Variants in RBFOX3 observed in about 807,000 individuals in gnomAD.
RBFOX3 encodes RNA binding protein fox-1 homolog 3.
A neutral mutation model predicts 48.7 loss-of-function variants in RBFOX3; 17 were observed. The observed-to-expected ratio is 0.35, with a 90% CI of 0.24 to 0.52. The LOEUF (loss-of-function observed/expected upper bound fraction) is 0.52. Among genes scored for constraint, RBFOX3 ranks in the 20% least tolerant of loss-of-function variants. RBFOX3 has a pLI of 0.94. For synonymous variants in RBFOX3, 212 were observed against 209.5 expected (o/e 1.01, Z -0.10); for missense variants, 382 against 497.5 (o/e 0.77, Z 2.21).
chr17:79,574,364 A>G lies in RBFOX3; in HGVS notation c.-320+36462T>C, dbSNP rs898104803. 8.5e-4 allele frequency among the ~76,000 whole-genome samples: 130 copies of G among 152,342 alleles called. 4 individuals are homozygous for G. In the South Asian group the frequency reaches 0.019, roughly 22 times the overall value. On this transcript the variant is annotated intron_variant, in intron 1 of 14. Coordinates refer to ENST00000693108, the MANE Select transcript of RBFOX3 (RefSeq NM_001350451.2). ...AGTCCCAGCTGCTAAAACAGGATGC[A>G]GTAAAGAAGCCGGCCAAAACCCACC...
intron 1 of RBFOX3, among the ~76,000 whole-genome samples, chr17:79,484,249 C>T (rs2079185579): frequency 6.6e-6 from 1 of 152,142 alleles, no homozygotes; most frequent in Non-Finnish European, 1.5e-5. Flanking sequence ...GGACAGAGTA[C>T]CACCCCCATA....
intron 2 of RBFOX3, among the ~76,000 whole-genome samples, chr17:79,439,328 C>A (rs145291059): frequency 1.3e-5 from 2 of 152,166 alleles, no homozygotes; most frequent in African/African-American, 4.8e-5. Context: ...TAAGATAGAG[C>A]GAAATCGCTC....
Position 79,090,819 on chromosome 17 carries a change from T to C in RBFOX3, c.*64A>G. ...AACATCTTTTTTTGTTTTTTTTGTT[T>C]TGTGATTTTTTTTGTTTTTTTGTTT... is the stretch of plus-strand genomic sequence containing the variant. On this transcript the variant is annotated 3_prime_UTR_variant, in exon 15 of 15. Transcript: ENST00000693108. 6.7e-7 allele frequency: 1 copy of C among 1,488,924 alleles called. No individual in the cohort carries two copies. The highest frequency in any genetic ancestry group is 1.4e-5 in the African/African-American group (1 of 69,882). 92.2% of individuals were successfully genotyped at this position (1,488,924 alleles called of 1,614,324 possible).
intron 1 of RBFOX3, among the ~76,000 whole-genome samples, chr17:79,593,328 C>T (rs945075791): frequency 2.0e-5 from 3 of 152,106 alleles, no homozygotes; most frequent in Admixed American, 6.5e-5. Context: ...ACATGCATGC[C>T]GAGTTTTTAT....
chr17:79,450,754 G>A (rs557112868), intron 2 of RBFOX3, among the ~76,000 whole-genome samples: 1 of 152,260 alleles, frequency 6.6e-6, no homozygotes, highest in African/African-American at 2.4e-5. Flanking sequence ...GAGGACCCCT[G>A]TCTGGCAAGG....
chr17:79,331,754 C>G (rs2080338175), intron 2 of RBFOX3, among the ~76,000 whole-genome samples: 1 of 152,232 alleles, frequency 6.6e-6, no homozygotes, highest in Middle Eastern at 3.2e-3. Flanking sequence ...GCTGTTAACA[C>G]CCCCATCTTC....
chr17:79,416,319 A>G (rs72852477), intron 2 of RBFOX3, among the ~76,000 whole-genome samples: 22,264 of 152,142 alleles, frequency 0.15, 1,792 homozygotes, highest in Non-Finnish European at 0.18. Context: ...TGCTTTGGCC[A>G]TGGCCCCTGC....
In RBFOX3 at chr17:79,204,736, TG is replaced by T. The variant is rs2057280978; in HGVS notation, c.-34+31029del. Among the ~76,000 whole-genome samples, 2 of 152,186 alleles carry T rather than the reference TG, an allele frequency of 1.3e-5. No individual in the cohort carries two copies. Among genetic ancestry groups the T allele is most frequent in the Admixed American group, 6.5e-5 (1 of 15,274 alleles). ...ACTTAGGGTTGCCATTAGGAGATGC[TG>T]CCACTAACTGGGCTCCTTAGTATCA... On this transcript the variant is annotated intron_variant, in intron 4 of 14. Transcript: ENST00000693108. The surrounding 1 kb of genome is among the most constrained non-coding windows in gnomAD (Gnocchi z 4.5).
chr17:79,420,994 G>A (rs966042385), intron 2 of RBFOX3, among the ~76,000 whole-genome samples: 1 of 152,112 alleles, frequency 6.6e-6, no homozygotes, highest in African/African-American at 2.4e-5. Context: ...GAGGCCCAGG[G>A]GCTTCCCTGC....
chr17:79,594,644 G>C (rs994243312), intron 1 of RBFOX3, among the ~76,000 whole-genome samples: 3 of 152,272 alleles, frequency 2.0e-5, no homozygotes, highest in Non-Finnish European at 4.4e-5. Context: ...CTCGAGGGCA[G>C]TGTGAGCAGA....
intron 2 of RBFOX3, among the ~76,000 whole-genome samples, chr17:79,478,924 G>A (rs1392723822): frequency 6.6e-6 from 1 of 152,216 alleles, no homozygotes; most frequent in Non-Finnish European, 1.5e-5. Context: ...TTCCGAGGCA[G>A]AGGCAATGAA....
intron 4 of RBFOX3, among the ~76,000 whole-genome samples, chr17:79,163,936 AG>A (rs1458193227): frequency 6.6e-6 from 1 of 152,180 alleles, no homozygotes; most frequent in African/African-American, 2.4e-5. Flanking sequence ...GGCCAATTGG[AG>A]GGTGGGGACC....
At chr17:79,351,090 A>T (rs2083853820) in intron 2 of RBFOX3, among the ~76,000 whole-genome samples, 1 of 152,230 alleles carries the variant, frequency 6.6e-6, no homozygotes, top group Non-Finnish European at 1.5e-5. Context: ...AGCATGTGCC[A>T]GAATTTCCTT....
intron 1 of RBFOX3, among the ~76,000 whole-genome samples, chr17:79,501,977 C>T (rs974339627): frequency 0.11 from 17,061 of 152,162 alleles, 1,389 homozygotes; most frequent in East Asian, 0.49. Flanking sequence ...GCTGGGGACA[C>T]GCTGGCAGCA....
At chr17:79,256,895 C>T (rs2064950180) in intron 3 of RBFOX3, among the ~76,000 whole-genome samples, 1 of 151,708 alleles carries the variant, frequency 6.6e-6, no homozygotes, top group Non-Finnish European at 1.5e-5. Flanking sequence ...GCACTCCAGC[C>T]TGGGCGACAG....
At chr17:79,560,752 C>G (rs2092158311) in intron 1 of RBFOX3, among the ~76,000 whole-genome samples, 1 of 152,220 alleles carries the variant, frequency 6.6e-6, no homozygotes, top group Non-Finnish European at 1.5e-5. Context: ...CCACCCATGA[C>G]AGCACGGCCA....
chr17:79,282,388 A>G (rs1483634116), intron 3 of RBFOX3, among the ~76,000 whole-genome samples: 1 of 152,242 alleles, frequency 6.6e-6, no homozygotes, highest in East Asian at 1.9e-4. Flanking sequence ...TTTCCTTTTT[A>G]GAAAAGGGTT....
intron 1 of RBFOX3, among the ~76,000 whole-genome samples, chr17:79,531,094 G>A (rs899837837): frequency 2.0e-5 from 3 of 152,240 alleles, no homozygotes; most frequent in African/African-American, 4.8e-5. Context: ...AATCGTTTGC[G>A]CAGAGCCTGC....
intron 1 of RBFOX3, among the ~76,000 whole-genome samples, chr17:79,505,618 G>A (rs2082998446): frequency 6.6e-6 from 1 of 152,200 alleles, no homozygotes; most frequent in African/African-American, 2.4e-5. Context: ...AGAGCACCAA[G>A]GAGGTACCAC....
Sources: gnomAD v4.1 joint callset for allele counts (sites outside exome capture counted in the v4.1 genomes callset) on GRCh38, gnomAD v4.1.1 for gene constraint, Gnocchi (gnomAD v3.1) non-coding constraint, MANE v1.5 for transcripts, NCBI Gene and HGNC (gene_info 2026-07-23, HGNC 2026-07-21) for gene names.